The following XPO1 variants were observed in gnomAD, a reference collection of about 807,000 sequenced individuals.
XPO1 encodes the protein exportin 1, also known as exportin-1.
XPO1 carries 5 observed loss-of-function variants against 133.3 expected under a neutral mutation model. That is an observed-to-expected ratio of 0.04 (90% CI 0.02 to 0.08). XPO1 has a LOEUF of 0.08. Among genes scored for constraint, XPO1 ranks in the 10% least tolerant of loss-of-function variants. The pLI is 1.00. For missense variants in XPO1, 506 were observed against 1,267.5 expected (o/e 0.40, Z 9.12); for synonymous variants, 419 against 408.2 (o/e 1.03, Z -0.32).
chr2:61,528,453 C>T (rs891878609), intron 2 of XPO1, among the ~76,000 whole-genome samples: 28 of 151,652 alleles, frequency 1.8e-4, no homozygotes, highest in Admixed American at 1.8e-3. Flanking sequence ...ACCAATATGG[C>T]GAAACCCCAT....
chr2:61,495,671 A>C, intron 10 of XPO1, 58 bp from the exon 11 acceptor site: 1 of 1,433,336 alleles, frequency 7.0e-7, no homozygotes, highest in Non-Finnish European at 9.3e-7. Flanking sequence ...AAAGACACTT[A>C]ATATTTTATT....
intron 9 of XPO1, among the ~76,000 whole-genome samples, chr2:61,497,310 C>T (rs1055176928): frequency 2.6e-5 from 4 of 152,120 alleles, no homozygotes; most frequent in Admixed American, 1.3e-4. Context: ...CTCTTGGATT[C>T]AAGCGATTCT....
rs1697271255 is a variant in XPO1 at position 61,497,023 on chromosome 2, G to A, written c.760-16C>T. ...CATTCAGGAACTATTTAAAAGGGGG[G>A]AGGGAACCATAAAATTAATTGGCCT... On this transcript the variant is annotated splice_polypyrimidine_tract_variant and intron_variant, in intron 9 of 24. Coordinates refer to ENST00000401558, the MANE Select transcript of XPO1 (RefSeq NM_003400.4). 4 of 1,594,868 alleles carry A rather than the reference G, an allele frequency of 2.5e-6. No individual in the cohort carries two copies. The highest frequency in any genetic ancestry group is 2.2e-5 in the East Asian group (1 of 44,458).
Position 61,484,239 on chromosome 2 carries a change from A to AAC in XPO1, c.2509-135_2509-134insGT. ...ACCACAGAAGATAGAATGCCTCCTG[A>AAC]AAGGTAAACCCAAGTAAAATACAAT... On this transcript the variant is annotated intron_variant, in intron 20 of 24. Coordinates refer to ENST00000401558, the MANE Select transcript of XPO1 (RefSeq NM_003400.4). 4.2e-6 allele frequency: 3 copies of AAC among 710,532 alleles called. No individual in the cohort carries two copies. The South Asian group carries it at 6.0e-5, about 14-fold the overall frequency. The allele number at this position is 710,532 out of a possible 1,614,324, so 44.0% of individuals were successfully genotyped here. A position where few individuals can be genotyped will look rare whatever the true frequency, so the allele number is the denominator to read the frequency against.
At chr2:61,510,863 G>T (rs562287716) in intron 4 of XPO1, among the ~76,000 whole-genome samples, 10 of 151,402 alleles carry the variant, frequency 6.6e-5, no homozygotes, top group African/African-American at 2.4e-4. Flanking sequence ...CTAGAGCCCC[G>T]GAAGTTGAGG....
chr2:61,509,688 C>T (rs62151774), intron 4 of XPO1, among the ~76,000 whole-genome samples: 1 of 152,102 alleles, frequency 6.6e-6, no homozygotes, highest in South Asian at 2.1e-4. Flanking sequence ...ATGCTTAACT[C>T]GTGAGCATAA....
intron 12 of XPO1, 59 bp from the exon 13 acceptor site, chr2:61,493,112 G>A (rs1006080204): frequency 6.8e-7 from 1 of 1,476,718 alleles, no homozygotes; most frequent in Non-Finnish European, 8.9e-7. Flanking sequence ...AATCATTAGT[G>A]TAGAAGCTTA....
rs1697546385 is a variant in XPO1 at position 61,501,934 on chromosome 2, G to A, written c.408+62C>T. 1.8e-5 allele frequency: 25 copies of A among 1,400,548 alleles called. No homozygotes were observed. In the South Asian group the frequency reaches 2.2e-4, roughly 12 times the overall value. The allele number at this position is 1,400,548 out of a possible 1,614,324, so 86.8% of individuals were successfully genotyped here. Reference sequence around the variant, plus strand: ...GTATACTTTATTTCCTAAGTAGGTCGAACATTTTGTTCAAATAATAAGCAT... The same window carrying A: ...GTATACTTTATTTCCTAAGTAGGTCAAACATTTTGTTCAAATAATAAGCAT... On this transcript the variant is annotated intron_variant, in intron 6 of 24. Transcript: ENST00000401558.
Position 61,491,837 on chromosome 2 carries a change from C to A in XPO1, c.1887+198G>T, listed in dbSNP as rs535701375. Reference sequence around the variant, plus strand: ...ATCACCTGAGCCTGGGAGTTCAAGGCTGCAGTGAGCCGTAATTGTGCCACT... The same window carrying A: ...ATCACCTGAGCCTGGGAGTTCAAGGATGCAGTGAGCCGTAATTGTGCCACT... On this transcript the variant is annotated intron_variant, in intron 16 of 24. Transcript: ENST00000401558. Among the ~76,000 whole-genome samples the A allele has an allele frequency of 6.6e-5, 10 of 152,188 alleles. No individual in the cohort carries two copies. The East Asian group carries it at 1.9e-3, about 29-fold the overall frequency.
intron 3 of XPO1, among the ~76,000 whole-genome samples, chr2:61,524,518 G>A (rs1433610285): frequency 6.6e-6 from 1 of 152,146 alleles, no homozygotes; most frequent in Non-Finnish European, 1.5e-5. Flanking sequence ...GCTTTGCCCA[G>A]GTTAGGTCAA....
At chr2:61,497,457 C>T (rs1227185229) in intron 9 of XPO1, among the ~76,000 whole-genome samples, 1 of 152,186 alleles carries the variant, frequency 6.6e-6, no homozygotes, top group Admixed American at 6.5e-5. Flanking sequence ...GTGATCCGCT[C>T]ACCTCGACCT....
intron 4 of XPO1, among the ~76,000 whole-genome samples, chr2:61,513,394 C>T (rs1214937214): frequency 1.5e-5 from 2 of 129,552 alleles, no homozygotes; most frequent in African/African-American, 6.0e-5. Context: ...GAGAGAGAGT[C>T]TTGCTCTGTC....
At position 61,488,574 on chromosome 2, in the gene XPO1, T is replaced by C; in HGVS notation, c.2206+14A>G. ...TGTTTATACTGCATTGTGTAAGAAA[T>C]CAGAATCACCTACCATTAGCTTGGA... On this transcript the variant is annotated intron_variant, in intron 18 of 24. Transcript: ENST00000401558. 6.2e-7 allele frequency: 1 copy of C among 1,609,812 alleles called. No individual in the cohort carries two copies. The highest frequency in any genetic ancestry group is 1.1e-5 in the South Asian group (1 of 90,760).
intron 3 of XPO1, 156 bp downstream of exon 3, chr2:61,526,264 A>G: frequency 7.0e-7 from 1 of 1,435,316 alleles, no homozygotes; most frequent in Non-Finnish European, 9.1e-7. Context: ...ACTATTTGCA[A>G]GAATTAATTA....
rs141744825 is a variant in XPO1, at chr2:61,520,025, T to G, written c.301+2586A>C. On this transcript the variant is annotated intron_variant, in intron 4 of 24. Transcript: ENST00000401558. Reference sequence around the variant, plus strand: ...TCTTCCCAACTATAACACTGTGACATACAGCACTTTGATGTACATGTATAT... The same window carrying G: ...TCTTCCCAACTATAACACTGTGACAGACAGCACTTTGATGTACATGTATAT... Among the ~76,000 whole-genome samples, 278 of 152,274 alleles carry G rather than the reference T, an allele frequency of 1.8e-3. 1 individual carries two copies. Among genetic ancestry groups the G allele is most frequent in the Admixed American group, 3.0e-3 (46 of 15,274 alleles).
At chr2:61,528,732 T>C (rs2104801240) in intron 2 of XPO1, among the ~76,000 whole-genome samples, 1 of 80,018 alleles carries the variant, frequency 1.2e-5, no homozygotes, top group East Asian at 3.5e-4. Context: ...CGACATTTTA[T>C]TTATATATAT....
intron 4 of XPO1, among the ~76,000 whole-genome samples, chr2:61,520,183 T>C (rs962730724): frequency 4.8e-4 from 73 of 152,208 alleles, no homozygotes; most frequent in African/African-American, 1.6e-3. Flanking sequence ...CGAATACCTT[T>C]AAAAGACAGG....
Position 61,533,899 on chromosome 2 carries a change from G to A in XPO1, c.-2C>T. ...TAACATTGTCATAATTGCTGGCATA[G>A]ATTACTGAAAATAAAGAAAAAAAAT... is the stretch of plus-strand genomic sequence containing the variant. On this transcript the variant is annotated 5_prime_UTR_variant, in exon 2 of 25. Transcript: ENST00000401558. The A allele has an allele frequency of 2.0e-6, 3 of 1,531,050 alleles. No individual in the cohort carries two copies. Among genetic ancestry groups the A allele is most frequent in the Non-Finnish European group, 2.6e-6 (3 of 1,141,898 alleles). The allele number at this position is 1,531,050 out of a possible 1,614,324, so 94.8% of individuals were successfully genotyped here.
In XPO1 at chr2:61,492,792, T is replaced by C. The variant is rs1697056333; in HGVS notation, c.1385-44A>G. 6.3e-7 allele frequency: 1 copy of C among 1,593,074 alleles called. No homozygotes were observed. Among genetic ancestry groups the C allele is most frequent in the African/African-American group, 1.4e-5 (1 of 74,020 alleles). The stretch of plus-strand genomic sequence containing the variant: ...TTTCAAATGCAAATAATGAGCAGAA[T>C]TTTATTGATGAGTAACAATACATTT... On this transcript the variant is annotated intron_variant, in intron 13 of 24. Coordinates refer to ENST00000401558, the MANE Select transcript of XPO1 (RefSeq NM_003400.4). This position sits in a 1 kb window ranked among gnomAD's most constrained non-coding sequence, Gnocchi z 5.6.
Sources: gnomAD v4.1 joint callset for allele counts (sites outside exome capture counted in the v4.1 genomes callset) on GRCh38, gnomAD v4.1.1 for gene constraint, Gnocchi (gnomAD v3.1) non-coding constraint, MANE v1.5 for transcripts, NCBI Gene and HGNC (gene_info 2026-07-23, HGNC 2026-07-21) for gene names.